Variants in PLPP3 observed in about 807,000 individuals in gnomAD.
The protein encoded by PLPP3 is phospholipid phosphatase 3.
Under a neutral mutation model 29.6 loss-of-function variants are expected in PLPP3, and 6 were observed. That is an observed-to-expected ratio of 0.20 (90% CI 0.11 to 0.40). PLPP3 has a LOEUF of 0.40. Ranked by LOEUF, PLPP3 falls within the 10% of genes least tolerant of loss-of-function variation. The pLI is 1.00. For missense variants in PLPP3, 308 were observed against 407.7 expected (o/e 0.76, Z 2.11); for synonymous variants, 152 against 159.7 (o/e 0.95, Z 0.36).
intron 1 of PLPP3, among the ~76,000 whole-genome samples, chr1:56,545,207 C>T (rs1645996900): frequency 6.6e-6 from 1 of 152,134 alleles, no homozygotes; most frequent in Admixed American, 6.5e-5. Flanking sequence ...TTTCATATTC[C>T]ACTCCTATCA....
intron 4 of PLPP3, among the ~76,000 whole-genome samples, chr1:56,515,682 C>G (rs1569871268): frequency 6.6e-6 from 1 of 152,128 alleles, no homozygotes; most frequent in Non-Finnish European, 1.5e-5. Context: ...TGATATCCAT[C>G]AGTTAACTAA....
rs184041628 is a variant in PLPP3 at position 56,549,279 on chromosome 1, C to A, written c.140-12167G>T. ...AAGCCTCAAGTGGTCCAAGGTGGAT[C>A]AGCTCTGTCAATATCCTGGCAGGGA... On this transcript the variant is annotated intron_variant, in intron 1 of 5. Transcript: ENST00000371250. Among the ~76,000 whole-genome samples the A allele has an allele frequency of 1.3e-3, 200 of 152,282 alleles. 3 individuals carry two copies. Among genetic ancestry groups the A allele is most frequent in the Non-Finnish European group, 2.4e-4 (16 of 68,026 alleles).
intron 1 of PLPP3, among the ~76,000 whole-genome samples, chr1:56,561,118 AT>A (rs758631218): frequency 4.6e-5 from 7 of 151,316 alleles, no homozygotes; most frequent in Non-Finnish European, 8.8e-5. Context: ...AAGTGCTGGG[AT>A]TACAGGCGTG....
chr1:56,543,015 C>CAA lies in PLPP3; in HGVS notation c.140-5905_140-5904dup, dbSNP rs397737077. ...TGGGTGATAGAGCCAGATCTTGTTT[C>CAA]AAAAAAAAAAAAAAAGAACTCTGTG... On this transcript the variant is annotated intron_variant, in intron 1 of 5. Transcript: ENST00000371250. Among the ~76,000 whole-genome samples the CAA allele has an allele frequency of 5.8e-3, 768 of 133,468 alleles. 3 individuals are homozygous for CAA. The highest frequency in any genetic ancestry group is 0.02 in the East Asian group (91 of 4,646). 87.6% of individuals were successfully genotyped at this position (133,468 alleles called of 152,430 possible).
At chr1:56,496,707 T>C in intron 5 of PLPP3, 31 bp from the exon 6 acceptor site, 1 of 1,611,754 alleles carries the variant, frequency 6.2e-7, no homozygotes, top group Non-Finnish European at 8.5e-7. Flanking sequence ...TCGAAGTCAG[T>C]AACTGACATC....
At chr1:56,509,911 C>T (rs1397501235) in intron 5 of PLPP3, among the ~76,000 whole-genome samples, 2 of 150,154 alleles carry the variant, frequency 1.3e-5, no homozygotes, top group Admixed American at 6.6e-5. Flanking sequence ...GCTTTGTAAA[C>T]GCTAGGATCA....
intron 5 of PLPP3, among the ~76,000 whole-genome samples, chr1:56,498,875 G>A (rs1056441677): frequency 3.9e-5 from 6 of 152,090 alleles, no homozygotes; most frequent in Non-Finnish European, 7.4e-5. Context: ...CTCATGATCC[G>A]CCTGCCTCAG....
chr1:56,510,113 G>A (rs993005129), intron 5 of PLPP3, among the ~76,000 whole-genome samples: 1 of 152,172 alleles, frequency 6.6e-6, no homozygotes, highest in Non-Finnish European at 1.5e-5. Context: ...AACTGGGGGT[G>A]CAGGGGACTC....
chr1:56,499,240 T>A (rs1451381756), intron 5 of PLPP3, among the ~76,000 whole-genome samples: 3 of 152,086 alleles, frequency 2.0e-5, no homozygotes, highest in Admixed American at 1.3e-4. Flanking sequence ...AATAATAACT[T>A]GAGAAGATCT....
chr1:56,578,832 A>AGGGACGAG (rs766575928), intron 1 of PLPP3, 46 bp downstream of exon 1: 13 of 1,487,792 alleles, frequency 8.7e-6, no homozygotes, highest in East Asian at 5.9e-5. Context: ...ACGCGCGCCG[A>AGGGACGAG]GGGACGAGGG....
intron 1 of PLPP3, among the ~76,000 whole-genome samples, chr1:56,550,221 C>T (rs1178211290): frequency 2.0e-5 from 3 of 152,116 alleles, no homozygotes; most frequent in Non-Finnish European, 2.9e-5. Flanking sequence ...CTGCCCCTTC[C>T]CCCACCAGAA....
At chr1:56,557,029 AGAGAGAGAGAGAGAG>A (rs1557513666) in intron 1 of PLPP3, among the ~76,000 whole-genome samples, 19 of 19,164 alleles carry the variant, frequency 9.9e-4, no homozygotes, top group Admixed American at 3.0e-3. Flanking sequence ...AGAGAGAAAG[AGAGAGAGAGAGAGAG>A]AGAGAGAGAG....
At chr1:56,509,959 A>G (rs1273306478) in intron 5 of PLPP3, among the ~76,000 whole-genome samples, 2 of 152,188 alleles carry the variant, frequency 1.3e-5, no homozygotes, top group Non-Finnish European at 2.9e-5. Context: ...AGAGCCAAAC[A>G]GGACACAAGT....
chr1:56,506,485 C>G (rs570852331), intron 5 of PLPP3, among the ~76,000 whole-genome samples: 4 of 152,148 alleles, frequency 2.6e-5, no homozygotes, highest in African/African-American at 9.7e-5. Context: ...GCCACACCCC[C>G]GGGAAGAGGA....
chr1:56,528,011 C>T (rs1283188554), intron 2 of PLPP3, among the ~76,000 whole-genome samples: 3 of 152,132 alleles, frequency 2.0e-5, no homozygotes, highest in African/African-American at 7.2e-5. Flanking sequence ...GACTCCTGCC[C>T]CTAGAGCCCT....
At chr1:56,547,276 A>C (rs1569580563) in intron 1 of PLPP3, among the ~76,000 whole-genome samples, 1 of 152,222 alleles carries the variant, frequency 6.6e-6, no homozygotes, top group African/African-American at 2.4e-5. Flanking sequence ...TTCCTGGCAC[A>C]TAGTGGGAGT....
intron 4 of PLPP3, among the ~76,000 whole-genome samples, chr1:56,521,815 C>G (rs1298824187): frequency 6.6e-6 from 1 of 151,692 alleles, no homozygotes; most frequent in African/African-American, 2.4e-5. Flanking sequence ...TTTCCTCCCT[C>G]TGAGGGATGC....
At chr1:56,507,694 G>T (rs2100227766) in intron 5 of PLPP3, among the ~76,000 whole-genome samples, 1 of 152,344 alleles carries the variant, frequency 6.6e-6, no homozygotes. Flanking sequence ...AGCAATGAAT[G>T]ATGCTACATG....
rs534045492 is a variant in PLPP3, at chr1:56,524,109, G to A, written c.575+168C>T. Among the ~76,000 whole-genome samples, 4 of 152,280 alleles carry A rather than the reference G, an allele frequency of 2.6e-5. No homozygotes were observed. Among genetic ancestry groups the A allele is most frequent in the East Asian group, 1.9e-4 (1 of 5,190 alleles). On this transcript the variant is annotated intron_variant, in intron 3 of 5. Transcript: ENST00000371250. This position sits in a 1 kb window ranked among gnomAD's most constrained non-coding sequence, Gnocchi z 4.3. ...TGAATGTACCTACCCATGCTATATC[G>A]GAAGTATTGATTTACATATCTGTCT...
Sources: gnomAD v4.1 joint callset for allele counts (sites outside exome capture counted in the v4.1 genomes callset) on GRCh38, gnomAD v4.1.1 for gene constraint, Gnocchi (gnomAD v3.1) non-coding constraint, MANE v1.5 for transcripts, NCBI Gene and HGNC (gene_info 2026-07-23, HGNC 2026-07-21) for gene names.